Variants in PTPN13 observed in about 807,000 individuals in gnomAD.
PTPN13 encodes protein tyrosine phosphatase non-receptor type 13.
PTPN13 carries 191 observed loss-of-function variants against 284.0 expected under a neutral mutation model. That is an observed-to-expected ratio of 0.67 (90% CI 0.60 to 0.76). The LOEUF (loss-of-function observed/expected upper bound fraction) is 0.76, where lower values mean the gene tolerates loss of function less well. Among genes scored for constraint, PTPN13 ranks in the 30% least tolerant of loss-of-function variants. The pLI is 0.00. For missense variants in PTPN13, 2,797 were observed against 2,939.9 expected, an observed-to-expected ratio of 0.95 and a Z score of 1.12; for synonymous variants, 986 against 1,022.3, an observed-to-expected ratio of 0.96 and a Z score of 0.68.
intron 28 of PTPN13, among the ~76,000 whole-genome samples, chr4:86,769,515 A>G (rs1739733360): frequency 1.3e-5 from 2 of 152,114 alleles, no homozygotes; most frequent in Admixed American, 1.3e-4. Flanking sequence ...CATTTTCAGA[A>G]TCCTACTTTC....
chr4:86,739,466 C>T (rs1735910701), intron 15 of PTPN13, among the ~76,000 whole-genome samples: 1 of 152,132 alleles, frequency 6.6e-6, no homozygotes, highest in Non-Finnish European at 1.5e-5. Flanking sequence ...CTCCTTAAAA[C>T]CATCAGATCT....
At chr4:86,724,831 ATTATAC>A (rs1343541102) in intron 10 of PTPN13, among the ~76,000 whole-genome samples, 4 of 146,684 alleles carry the variant, frequency 2.7e-5, no homozygotes, top group Non-Finnish European at 6.0e-5. Context: ...TTTTTTTATT[ATTATAC>A]TTTAAGTTCT....
At chr4:86,722,068 C>G in intron 9 of PTPN13, 144 bp from the exon 10 acceptor site, 2 of 679,534 alleles carry the variant, frequency 2.9e-6, no homozygotes, top group Non-Finnish European at 5.1e-6. Context: ...TCATACCATA[C>G]TGTGTAATGT....
intron 10 of PTPN13, among the ~76,000 whole-genome samples, chr4:86,729,861 C>T (rs181277058): frequency 1.3e-5 from 2 of 149,784 alleles, no homozygotes; most frequent in East Asian, 1.9e-4. Context: ...CAAAGTCATT[C>T]TCTGTCCAGC....
chr4:86,772,053 T>C (rs1260864088), intron 31 of PTPN13, among the ~76,000 whole-genome samples: 2 of 152,250 alleles, frequency 1.3e-5, no homozygotes, highest in African/African-American at 4.8e-5. Context: ...CATCCAACTT[T>C]ATTTATTCAA....
intron 25 of PTPN13, among the ~76,000 whole-genome samples, chr4:86,765,009 T>C (rs10213632): frequency 0.082 from 12,507 of 152,250 alleles, 654 homozygotes; most frequent in Non-Finnish European, 0.11. Flanking sequence ...TAATGCTTTG[T>C]AGATATTTGA....
At chr4:86,776,134 C>T (rs930553518) in intron 35 of PTPN13, among the ~76,000 whole-genome samples, 7 of 152,056 alleles carry the variant, frequency 4.6e-5, no homozygotes, top group Non-Finnish European at 8.8e-5. Context: ...TTAATAGAGA[C>T]GGGGTTTCAC....
intron 15 of PTPN13, among the ~76,000 whole-genome samples, chr4:86,741,181 G>T (rs576606007): frequency 6.6e-6 from 1 of 152,058 alleles, no homozygotes; most frequent in East Asian, 1.9e-4. Flanking sequence ...ACATCTTCAG[G>T]TATCTTTTCA....
chr4:86,799,825 C>CTTTTTT (rs925434357), intron 42 of PTPN13, among the ~76,000 whole-genome samples: 4 of 83,212 alleles, frequency 4.8e-5, no homozygotes, highest in Admixed American at 1.4e-4. Context: ...TCAAGGGGCA[C>CTTTTTT]TTTTTTTTTT....
At chr4:86,748,503 T>C (rs925940326) in intron 17 of PTPN13, among the ~76,000 whole-genome samples, 1 of 152,192 alleles carries the variant, frequency 6.6e-6, no homozygotes, top group African/African-American at 2.4e-5. Context: ...TTGGTCCACA[T>C]TTTCTTTAAG....
rs549399227 is a variant in PTPN13, at chr4:86,769,780, G to C, written c.4501G>C (p.Glu1501Gln). Reference sequence around the variant, plus strand: ...ATCTTTTTCTCCAGAAAATACATTTGAGGTAAAATTATTTAAAAATAGCTC... The same window carrying C: ...ATCTTTTTCTCCAGAAAATACATTTCAGGTAAAATTATTTAAAAATAGCTC... ...YSFVTEENTF[E>Q]VKLFKNSSGL... The change falls in exon 29 of 48, where the codon GAG (glutamate) becomes CAG (glutamine). Residue 1501 changes from glutamate (E) to glutamine (Q), a missense_variant. Coordinates refer to ENST00000411767, the MANE Select transcript of PTPN13 (RefSeq NM_080683.3). 6.3e-6 allele frequency: 10 copies of C among 1,588,138 alleles called. No individual in the cohort carries two copies. The African/African-American group carries it at 1.4e-4, about 22-fold the overall frequency.
At chr4:86,804,479 G>C (rs1744440270) in intron 43 of PTPN13, among the ~76,000 whole-genome samples, 2 of 152,070 alleles carry the variant, frequency 1.3e-5, no homozygotes, top group South Asian at 4.2e-4. Context: ...TATTAATTCT[G>C]TTATAGATTG....
chr4:86,630,569 G>A (rs956374893), intron 1 of PTPN13, among the ~76,000 whole-genome samples: 4 of 152,108 alleles, frequency 2.6e-5, no homozygotes, highest in Non-Finnish European at 4.4e-5. Flanking sequence ...TGGATGAAAA[G>A]ATGCTTACAA....
intron 32 of PTPN13, 53 bp from the exon 33 acceptor site, chr4:86,774,320 T>A (rs1740354086): frequency 1.3e-6 from 2 of 1,482,528 alleles, no homozygotes; most frequent in Admixed American, 4.5e-5. Context: ...TCTTTCTGTT[T>A]GTCTATAGTG....
At chr4:86,656,814 C>T (rs1047199830) in intron 2 of PTPN13, among the ~76,000 whole-genome samples, 11 of 152,214 alleles carry the variant, frequency 7.2e-5, no homozygotes, top group Non-Finnish European at 1.2e-4. Flanking sequence ...CTATGCCCTG[C>T]CCCCAGAGGT....
At chr4:86,698,523 A>G (rs969229413) in intron 6 of PTPN13, among the ~76,000 whole-genome samples, 2 of 152,176 alleles carry the variant, frequency 1.3e-5, no homozygotes, top group Non-Finnish European at 2.9e-5. Flanking sequence ...TGAGTAGATG[A>G]AATTCTAAAA....
In PTPN13 at chr4:86,765,500, A is replaced by C; in HGVS notation, c.4243+12A>C. 1 of 1,534,124 alleles carries C rather than the reference A, an allele frequency of 6.5e-7. No homozygotes were observed. On this transcript the variant is annotated intron_variant, in intron 26 of 47. Coordinates refer to ENST00000411767, the MANE Select transcript of PTPN13 (RefSeq NM_080683.3). ...TAGAATTCACAAAGGTATAGTGTTT[A>C]TATTATGTGGGAATTATATGTATGA...
intron 35 of PTPN13, among the ~76,000 whole-genome samples, chr4:86,777,818 T>C (rs1359297580): frequency 1.3e-5 from 2 of 152,220 alleles, no homozygotes. Flanking sequence ...CCTTCATATA[T>C]GTCTAAAAAT....
chr4:86,736,568 TTTC>T, intron 15 of PTPN13, among the ~76,000 whole-genome samples: 1 of 152,306 alleles, frequency 6.6e-6, no homozygotes, highest in Non-Finnish European at 1.5e-5. Flanking sequence ...AAGGTGGTTT[TTTC>T]TGTTTGAGTC....
Sources: allele counts gnomAD v4.1 joint callset (sites outside exome capture counted in the v4.1 genomes callset), GRCh38; gene constraint gnomAD v4.1.1; transcripts MANE v1.5; gene names NCBI Gene and HGNC (gene_info 2026-07-23, HGNC 2026-07-21).